The following ANO2 variants were observed in gnomAD, a reference collection of about 807,000 sequenced individuals.
ANO2 encodes anoctamin 2, also known as anoctamin-2.
Under a neutral mutation model 124.2 loss-of-function variants are expected in ANO2, and 101 were observed. The observed-to-expected ratio is 0.81, with a 90% confidence interval of 0.69 to 0.96. The LOEUF (loss-of-function observed/expected upper bound fraction) is 0.96. Ranked by LOEUF, ANO2 falls within the 40% of genes least tolerant of loss-of-function variation. ANO2 has a pLI of 0.00. For synonymous variants in ANO2, 486 were observed against 482.5 expected, an observed-to-expected ratio of 1.01 and a Z score of -0.09; for missense variants, 1,293 against 1,274.5, an observed-to-expected ratio of 1.01 and a Z score of -0.22.
chr12:5,622,377 T>C (rs1477474358), intron 16 of ANO2, among the ~76,000 whole-genome samples: 1 of 152,210 alleles, frequency 6.6e-6, no homozygotes, highest in Non-Finnish European at 1.5e-5. Context: ...CCTGTGCCTG[T>C]GCTTTAGGGC....
At chr12:5,744,343 C>G in intron 11 of ANO2, 26 bp from the exon 12 acceptor site, 1 of 1,613,320 alleles carries the variant, frequency 6.2e-7, no homozygotes, top group African/African-American at 1.3e-5. Flanking sequence ...GTTGTTGGGT[C>G]AGGTGGAGCT....
At chr12:5,761,525 G>A (rs1227236386) in intron 10 of ANO2, among the ~76,000 whole-genome samples, 1 of 152,024 alleles carries the variant, frequency 6.6e-6, no homozygotes, top group Non-Finnish European at 1.5e-5. Context: ...AAACTAGTGA[G>A]CTTTATATTA....
chr12:5,938,347 T>G (rs1485072659), intron 1 of ANO2, among the ~76,000 whole-genome samples: 1 of 152,226 alleles, frequency 6.6e-6, no homozygotes, highest in African/African-American at 2.4e-5. Context: ...GGGATTGTAC[T>G]TCTATGCTGG....
intron 3 of ANO2, among the ~76,000 whole-genome samples, chr12:5,884,906 C>A (rs1189259321): frequency 6.8e-6 from 1 of 146,470 alleles, no homozygotes; most frequent in African/African-American, 2.4e-5. Flanking sequence ...CACCCCCTGC[C>A]CACCCACCAC....
chr12:5,814,136 C>T (rs1244081134), intron 7 of ANO2, among the ~76,000 whole-genome samples: 2 of 152,210 alleles, frequency 1.3e-5, no homozygotes, highest in African/African-American at 4.8e-5. Flanking sequence ...TCAAGGTCAC[C>T]TCCTCTACCC....
chr12:5,716,499 T>C (rs1591978984), intron 14 of ANO2, among the ~76,000 whole-genome samples: 2 of 152,296 alleles, frequency 1.3e-5, no homozygotes, highest in South Asian at 4.2e-4. Context: ...GATTAATTCA[T>C]TCATGTTTAT....
intron 6 of ANO2, among the ~76,000 whole-genome samples, chr12:5,829,688 G>A (rs1324283975): frequency 6.6e-6 from 1 of 152,126 alleles, no homozygotes; most frequent in African/African-American, 2.4e-5. Flanking sequence ...TCTCTCTTCT[G>A]CCCATAGGCT....
intron 3 of ANO2, among the ~76,000 whole-genome samples, chr12:5,869,421 T>G (rs1001507081): frequency 6.6e-6 from 1 of 152,192 alleles, no homozygotes; most frequent in East Asian, 1.9e-4. Flanking sequence ...TGCTCCTTCC[T>G]GCATCCAACT....
chr12:5,868,137 C>T (rs1015182679), intron 3 of ANO2, among the ~76,000 whole-genome samples: 26 of 151,842 alleles, frequency 1.7e-4, no homozygotes, highest in African/African-American at 2.4e-4. Context: ...GTGATTATTA[C>T]GAATTACATG....
intron 11 of ANO2, among the ~76,000 whole-genome samples, chr12:5,745,585 A>G (rs1951242271): frequency 6.6e-6 from 1 of 152,188 alleles, no homozygotes; most frequent in Admixed American, 6.5e-5. Flanking sequence ...TTCCCCCTTC[A>G]TTAAGAAGTT....
intron 23 of ANO2, among the ~76,000 whole-genome samples, chr12:5,568,845 C>A (rs1180538952): frequency 6.6e-6 from 1 of 152,218 alleles, no homozygotes; most frequent in East Asian, 1.9e-4. Context: ...GTTACCTAAC[C>A]TTCTGATGCC....
intron 14 of ANO2, among the ~76,000 whole-genome samples, chr12:5,719,978 T>C (rs1313606833): frequency 2.0e-5 from 3 of 152,212 alleles, no homozygotes; most frequent in Non-Finnish European, 4.4e-5. Context: ...AGGGTCTGCA[T>C]CTGGGAGAAT....
intron 10 of ANO2, among the ~76,000 whole-genome samples, chr12:5,781,355 C>T (rs918829916): frequency 1.5e-4 from 23 of 152,194 alleles, no homozygotes; most frequent in African/African-American, 5.1e-4. Flanking sequence ...GAGGCCTGTA[C>T]CCTTTGAACT....
At chr12:5,685,147 G>A (rs1948653031) in intron 14 of ANO2, among the ~76,000 whole-genome samples, 1 of 152,130 alleles carries the variant, frequency 6.6e-6, no homozygotes, top group Non-Finnish European at 1.5e-5. Context: ...TCCACTCCTG[G>A]GCTGGTGAGT....
intron 16 of ANO2, among the ~76,000 whole-genome samples, chr12:5,618,719 C>A (rs567067225): frequency 2.2e-3 from 341 of 152,308 alleles, no homozygotes; most frequent in African/African-American, 7.9e-3. Flanking sequence ...TTGTACTTGG[C>A]AGGTCACATT....
At chr12:5,677,682 G>C (rs138842539) in intron 14 of ANO2, among the ~76,000 whole-genome samples, 30 of 152,308 alleles carry the variant, frequency 2.0e-4, no homozygotes, top group Non-Finnish European at 4.4e-4. Context: ...AGCATTGGGA[G>C]AGAGGAAGGC....
intron 7 of ANO2, among the ~76,000 whole-genome samples, chr12:5,816,393 G>A (rs1029802276): frequency 6.6e-6 from 1 of 151,708 alleles, no homozygotes; most frequent in African/African-American, 2.4e-5. Flanking sequence ...TGGTCTTCAT[G>A]GGCAGAAGTC....
rs931295002 is a variant in ANO2 at position 5,904,583 on chromosome 12, C to T, written c.534+16457G>A. Among the ~76,000 whole-genome samples, 2 of 152,206 alleles carry T rather than the reference C, an allele frequency of 1.3e-5. No individual in the cohort carries two copies. The highest frequency in any genetic ancestry group is 2.1e-4 in the South Asian group (1 of 4,832). On this transcript the variant is annotated intron_variant, in intron 3 of 24. Transcript: ENST00000682330. This position sits in a 1 kb window ranked among gnomAD's most constrained non-coding sequence, Gnocchi z 4.1. ...TCCGGGGGCAGCTGACACTCCACATCGTCCTGTCCTCCCTGCCAGAGCCCC... is the reference window on the plus strand; with the variant it reads ...TCCGGGGGCAGCTGACACTCCACATTGTCCTGTCCTCCCTGCCAGAGCCCC...
intron 5 of ANO2, among the ~76,000 whole-genome samples, chr12:5,831,154 A>G (rs117133689): frequency 6.6e-6 from 1 of 152,342 alleles, no homozygotes; most frequent in East Asian, 1.9e-4. Context: ...GGATGCACTG[A>G]TGAAGGAAGG....
Sources: allele counts gnomAD v4.1 joint callset (sites outside exome capture counted in the v4.1 genomes callset), GRCh38; gene constraint gnomAD v4.1.1; non-coding constraint Gnocchi (gnomAD v3.1); transcripts MANE v1.5; gene names NCBI Gene and HGNC (gene_info 2026-07-23, HGNC 2026-07-21).